The following GP9 variants were observed in gnomAD, a reference collection of about 807,000 sequenced individuals.
GP9 encodes glycoprotein IX platelet.
For missense variants in GP9, 228 were observed against 241.8 expected, an observed-to-expected ratio of 0.94 and a Z score of 0.38; for synonymous variants, 116 against 116.7, an observed-to-expected ratio of 0.99 and a Z score of 0.04.
At chr3:129,057,430 A>G (rs1472779445), upstream of GP9, among the ~76,000 whole-genome samples, 1 of 152,156 alleles carries the variant, frequency 6.6e-6, no homozygotes, top group Non-Finnish European at 1.5e-5. Flanking sequence ...TGAGGCAGGA[A>G]AGTGCTGGAG....
upstream of GP9, among the ~76,000 whole-genome samples, chr3:129,057,668 G>C (rs892556238): frequency 2.6e-5 from 4 of 152,088 alleles, no homozygotes; most frequent in African/African-American, 9.7e-5. Context: ...AATAGATCCT[G>C]GTGACTGAAA....
Position 129,062,289 on chromosome 3 carries a change from C to T in GP9, c.*16C>T. 1 of 1,530,556 alleles carries T rather than the reference C, an allele frequency of 6.5e-7. No homozygotes were observed. Among genetic ancestry groups the T allele is most frequent in the Non-Finnish European group, 8.8e-7 (1 of 1,132,888 alleles). 94.8% of individuals were successfully genotyped at this position (1,530,556 alleles called of 1,614,324 possible). A position where few individuals can be genotyped will look rare whatever the true frequency, so the allele number is the denominator to read the frequency against. ...CCTGGATTGAGCCAGGCCCCCAGAA[C>T]CCCTGGCTCCAGGCCAGGGGGCCAG... On this transcript the variant is annotated 3_prime_UTR_variant, in exon 3 of 3. Coordinates refer to ENST00000307395, the MANE Select transcript of GP9 (RefSeq NM_000174.5).
rs1297235855 is a variant in GP9 at position 129,062,206 on chromosome 3, C to T, written c.467C>T (p.Ala156Val). ...GTCTTGTGGGACGTGGCGCTGGTCG[C>T]CGTGGCCGCGCTGGGCCTGGCTCTT... is the stretch of plus-strand genomic sequence containing the variant. ...PGVLWDVALVAVAALGLALLA... is the reference protein window; with the variant it reads ...PGVLWDVALVVVAALGLALLA... Residue 156 changes from alanine to valine, a missense_variant, in exon 3 of 3, where the codon GCC becomes GTC. By Grantham distance (64) the Ala-to-Val change is moderately conservative. Transcript: ENST00000307395. 6.4e-7 allele frequency: 1 copy of T among 1,566,788 alleles called. No individual in the cohort carries two copies. Among genetic ancestry groups the T allele is most frequent in the African/African-American group, 1.3e-5 (1 of 74,222 alleles).
At position 129,061,874 on chromosome 3, in the gene GP9, C is replaced by T. The variant is rs1251887960; in HGVS notation, c.135C>T (p.Ala45=). 6.2e-7 allele frequency: 1 copy of T among 1,613,020 alleles called. No homozygotes were observed. Among genetic ancestry groups the T allele is most frequent in the Admixed American group, 1.7e-5 (1 of 59,960 alleles). Residue 45 remains alanine, a synonymous_variant, in exon 3 of 3, where the codon GCC becomes GCT. Coordinates refer to ENST00000307395, the MANE Select transcript of GP9 (RefSeq NM_000174.5). ...WVDCRGHGLT[A]LPALPARTRH... is the part of the protein sequence containing the mutation. ...ACTGCAGGGGCCACGGACTCACGGCCCTGCCTGCCCTGCCGGCCCGCACCC... is the reference window on the plus strand; with the variant it reads ...ACTGCAGGGGCCACGGACTCACGGCTCTGCCTGCCCTGCCGGCCCGCACCC...
rs778098589 is a variant in GP9 at position 129,062,201 on chromosome 3, G to C, written c.462G>C (p.Leu154=). Residue 154 remains leucine, a synonymous_variant, in exon 3 of 3, where the codon CTG becomes CTC. Coordinates refer to ENST00000307395, the MANE Select transcript of GP9 (RefSeq NM_000174.5). ...CGGGGGTCTTGTGGGACGTGGCGCT[G>C]GTCGCCGTGGCCGCGCTGGGCCTGG... ...VRPGVLWDVA[L]VAVAALGLAL... 17 of 1,568,318 alleles carry C rather than the reference G, an allele frequency of 1.1e-5. No homozygotes were observed. Among genetic ancestry groups the C allele is most frequent in the Non-Finnish European group, 1.4e-5 (16 of 1,161,082 alleles).
At chr3:129,060,024 G>A (rs2107954900), upstream of GP9, among the ~76,000 whole-genome samples, 1 of 152,262 alleles carries the variant, frequency 6.6e-6, no homozygotes, top group South Asian at 2.1e-4. Context: ...CACGGTCTCG[G>A]CTCACTGCCA....
upstream of GP9, among the ~76,000 whole-genome samples, chr3:129,056,987 A>AT (rs1165996358): frequency 1.3e-5 from 2 of 152,162 alleles, no homozygotes; most frequent in African/African-American, 4.8e-5. Context: ...TTAAACCTGT[A>AT]TAGTAGAGGC....
chr3:129,055,470 G>C, the GP9 span, among the ~76,000 whole-genome samples: 1 of 152,342 alleles, frequency 6.6e-6, no homozygotes, highest in Non-Finnish European at 1.5e-5. Flanking sequence ...TGAAGGGCCA[G>C]ACAGCAAGGC....
chr3:129,059,195 A>G (rs369580283), upstream of GP9, among the ~76,000 whole-genome samples: 26 of 152,326 alleles, frequency 1.7e-4, 3 homozygotes, highest in Admixed American at 5.9e-4. Flanking sequence ...TTTGTTATTT[A>G]TGTAGTTTTT....
chr3:129,060,038 C>G (rs138012914), upstream of GP9, among the ~76,000 whole-genome samples: 12 of 152,328 alleles, frequency 7.9e-5, no homozygotes, highest in East Asian at 2.3e-3. Flanking sequence ...ACTGCCACCT[C>G]TGCCTCCTGG....
chr3:129,061,379 C>A (rs1946573010), intron 1 of GP9, 115 bp from the exon 2 acceptor site: 2 of 396,120 alleles, frequency 5.0e-6, no homozygotes, highest in South Asian at 4.6e-5. Flanking sequence ...TGGTCCTGGG[C>A]TGGGACTCAT....
upstream of GP9, among the ~76,000 whole-genome samples, chr3:129,057,697 G>C (rs534293056): frequency 2.0e-5 from 3 of 152,250 alleles, no homozygotes; most frequent in African/African-American, 7.2e-5. Context: ...ATTACTGATG[G>C]GTTGGACAGC....
Position 129,061,554 on chromosome 3 carries a change from C to T in GP9, c.-78C>T. On this transcript the variant is annotated 5_prime_UTR_variant, in exon 2 of 3. Coordinates refer to ENST00000307395, the MANE Select transcript of GP9 (RefSeq NM_000174.5). ...GACAGTTAGCCAGGCCTGGGCTGGG[C>T]ACACTCCACCTTCCCTAGTCACCAG... The T allele has an allele frequency of 1.5e-6, 1 of 648,974 alleles. No homozygotes were observed. The highest frequency in any genetic ancestry group is 1.8e-5 in the African/African-American group (1 of 56,362). 40.2% of individuals were successfully genotyped at this position (648,974 alleles called of 1,614,324 possible). A position where few individuals can be genotyped will look rare whatever the true frequency, so the allele number is the denominator to read the frequency against.
upstream of GP9, among the ~76,000 whole-genome samples, chr3:129,057,613 G>A (rs558328653): frequency 1.1e-4 from 17 of 152,274 alleles, no homozygotes; most frequent in African/African-American, 3.1e-4. Context: ...GAAGGCGAAC[G>A]AAGACCAGAG....
upstream of GP9, among the ~76,000 whole-genome samples, chr3:129,058,518 C>T (rs908137368): frequency 1.1e-4 from 16 of 152,302 alleles, no homozygotes; most frequent in Middle Eastern, 3.4e-3. Flanking sequence ...CAGATGGGAA[C>T]GAAAGCAACC....
intron 1 of GP9, among the ~76,000 whole-genome samples, chr3:129,061,071 CCAAA>C (rs978188148): frequency 3.9e-5 from 6 of 152,192 alleles, no homozygotes; most frequent in Non-Finnish European, 7.3e-5. Context: ...TGGGGAAGAA[CCAAA>C]CAGAGGGCCA....
At chr3:129,059,732 C>T (rs546069424), upstream of GP9, among the ~76,000 whole-genome samples, 6 of 152,268 alleles carry the variant, frequency 3.9e-5, no homozygotes, top group East Asian at 1.9e-4. Context: ...AGAGAACAGG[C>T]GGCCTCCCAA....
At chr3:129,055,448 CA>C in the GP9 span, among the ~76,000 whole-genome samples, 19 of 152,328 alleles carry the variant, frequency 1.2e-4, 1 homozygote, top group East Asian at 5.8e-4. Flanking sequence ...TGACCAGATA[CA>C]GCCACTGAGC....
upstream of GP9, among the ~76,000 whole-genome samples, chr3:129,060,311 G>C (rs1946560083): frequency 6.6e-6 from 1 of 152,222 alleles, no homozygotes; most frequent in South Asian, 2.1e-4. Context: ...GCACCAAGAA[G>C]AGACTCCGTC....
Sources: gnomAD v4.1 joint callset for allele counts (sites outside exome capture counted in the v4.1 genomes callset) on GRCh38, gnomAD v4.1.1 for gene constraint, MANE v1.5 for transcripts, NCBI Gene and HGNC (gene_info 2026-07-23, HGNC 2026-07-21) for gene names.